Variants in DOCK3 observed in about 807,000 individuals in gnomAD.
DOCK3 encodes the protein dedicator of cytokinesis protein 3.
A neutral mutation model predicts 265.6 loss-of-function variants in DOCK3; 60 were observed. That is an observed-to-expected ratio of 0.23 (90% CI 0.18 to 0.28). The LOEUF is 0.28. Ranked by LOEUF, DOCK3 falls within the 10% of genes least tolerant of loss-of-function variation. The probability of loss-of-function intolerance (pLI) is 1.00; values close to 1 mark genes in which losing one functional copy is unlikely to be tolerated. For missense variants in DOCK3, 1,981 were observed against 2,594.3 expected, an observed-to-expected ratio of 0.76 and a Z score of 5.14; for synonymous variants, 881 against 938.0, an observed-to-expected ratio of 0.94 and a Z score of 1.11.
At chr3:50,816,511 G>T (rs1268039900) in intron 2 of DOCK3, among the ~76,000 whole-genome samples, 1 of 151,784 alleles carries the variant, frequency 6.6e-6, no homozygotes, top group African/African-American at 2.4e-5. Flanking sequence ...AGTGGAGACG[G>T]GGTTTTGCCA....
intron 10 of DOCK3, among the ~76,000 whole-genome samples, chr3:51,153,817 A>G (rs943548880): frequency 1.3e-4 from 20 of 152,196 alleles, no homozygotes; most frequent in East Asian, 1.9e-4. Flanking sequence ...CTGATTTACT[A>G]ATTTGTTTTT....
At position 51,193,606 on chromosome 3, in the gene DOCK3, C is replaced by T. The variant is rs28796000; in HGVS notation, c.1038-15168C>T. On this transcript the variant is annotated intron_variant, in intron 12 of 52. Transcript: ENST00000266037. ...TATAATCTTGCTATGCATTATTGGT[C>T]TATTCAGGGTTTTTCTTTCTTTCCA... is the stretch of plus-strand genomic sequence containing the variant. 2.8e-3 allele frequency among the ~76,000 whole-genome samples: 421 copies of T among 152,116 alleles called. 3 individuals are homozygous for T. Among genetic ancestry groups the T allele is most frequent in the African/African-American group, 9.7e-3 (404 of 41,502 alleles).
At chr3:51,363,563 T>G (rs897348710) in intron 49 of DOCK3, among the ~76,000 whole-genome samples, 11 of 152,376 alleles carry the variant, frequency 7.2e-5, no homozygotes, top group African/African-American at 2.6e-4. Context: ...TGTATACATG[T>G]GCCATGTTGG....
At chr3:51,379,824 ACT>A (rs1400711743) in intron 51 of DOCK3, among the ~76,000 whole-genome samples, 1 of 152,258 alleles carries the variant, frequency 6.6e-6, no homozygotes, top group African/African-American at 2.4e-5. Context: ...TGCCAGGCAC[ACT>A]TCTCACCAGA....
chr3:50,875,624 A>G (rs144429769), intron 3 of DOCK3, among the ~76,000 whole-genome samples: 110 of 152,250 alleles, frequency 7.2e-4, no homozygotes, highest in African/African-American at 2.4e-3. Flanking sequence ...CACATGTTCA[A>G]CCATCCTTGA....
At chr3:51,248,031 C>G (rs939707992) in intron 22 of DOCK3, among the ~76,000 whole-genome samples, 1 of 152,210 alleles carries the variant, frequency 6.6e-6, no homozygotes, top group Admixed American at 6.5e-5. Flanking sequence ...AAAAATCATT[C>G]GTTTAATCAT....
At chr3:50,864,880 C>T (rs1487098279) in intron 3 of DOCK3, among the ~76,000 whole-genome samples, 1 of 151,560 alleles carries the variant, frequency 6.6e-6, no homozygotes, top group South Asian at 2.1e-4. Flanking sequence ...TATTATGATG[C>T]GTCCAGGCTT....
At chr3:51,245,392 T>TTC (rs776909441) in intron 21 of DOCK3, among the ~76,000 whole-genome samples, 80 of 8,854 alleles carry the variant, frequency 9.0e-3, no homozygotes, top group African/African-American at 0.02. Context: ...TTTTCTTTCT[T>TTC]TTTTTTTTTT....
intron 1 of DOCK3, among the ~76,000 whole-genome samples, chr3:50,713,327 T>A (rs1447648539): frequency 6.6e-6 from 1 of 152,182 alleles, no homozygotes; most frequent in Non-Finnish European, 1.5e-5. Context: ...AGGTTAAGGA[T>A]TTGCTTTTAT....
At chr3:50,810,994 G>A (rs969948245) in intron 2 of DOCK3, among the ~76,000 whole-genome samples, 17 of 152,078 alleles carry the variant, frequency 1.1e-4, no homozygotes, top group Non-Finnish European at 2.1e-4. Context: ...CTGGATGAAA[G>A]GTTTAAAAAT....
intron 1 of DOCK3, among the ~76,000 whole-genome samples, chr3:50,762,041 G>C (rs1181787477): frequency 1.3e-5 from 2 of 152,086 alleles, no homozygotes; most frequent in African/African-American, 2.4e-5. Context: ...TCACTCATAG[G>C]TGGGAATTGA....
chr3:51,295,081 G>C (rs2109238671), intron 27 of DOCK3, among the ~76,000 whole-genome samples: 1 of 152,194 alleles, frequency 6.6e-6, no homozygotes. Flanking sequence ...ATGGTATAAA[G>C]GACAAAACCA....
chr3:50,865,881 G>C (rs1468837751), intron 3 of DOCK3, among the ~76,000 whole-genome samples: 1 of 152,100 alleles, frequency 6.6e-6, no homozygotes, highest in African/African-American at 2.4e-5. Context: ...TGTAGTTTTG[G>C]TTTGTATTTC....
intron 38 of DOCK3, among the ~76,000 whole-genome samples, chr3:51,344,674 C>T (rs2085448282): frequency 3.9e-5 from 6 of 152,176 alleles, no homozygotes; most frequent in Admixed American, 3.9e-4. Flanking sequence ...GGATTTCAGA[C>T]ACTGGTAGGG....
chr3:51,264,866 T>TAAATAA (rs1205973691), intron 23 of DOCK3, among the ~76,000 whole-genome samples: 6 of 57,754 alleles, frequency 1.0e-4, no homozygotes, highest in Non-Finnish European at 1.8e-4. Flanking sequence ...ATAACTTAGA[T>TAAATAA]CAGAACAGAG....
chr3:51,124,593 A>G (rs1313177095), intron 9 of DOCK3, among the ~76,000 whole-genome samples: 1 of 152,166 alleles, frequency 6.6e-6, no homozygotes, highest in African/African-American at 2.4e-5. Flanking sequence ...GAAAATTAAG[A>G]GAGTTCTTTG....
At chr3:51,251,093 C>A (rs2079195755) in intron 22 of DOCK3, among the ~76,000 whole-genome samples, 1 of 152,150 alleles carries the variant, frequency 6.6e-6, no homozygotes, top group Admixed American at 6.5e-5. Context: ...TTGTTCAGTT[C>A]TCACCTATGA....
chr3:51,325,326 G>T, intron 32 of DOCK3, among the ~76,000 whole-genome samples: 1 of 152,224 alleles, frequency 6.6e-6, no homozygotes, highest in South Asian at 2.1e-4. Context: ...CATCATCACT[G>T]GTCATTAGAG....
intron 23 of DOCK3, among the ~76,000 whole-genome samples, chr3:51,265,496 T>C (rs549243297): frequency 1.8e-4 from 27 of 152,284 alleles, no homozygotes; most frequent in African/African-American, 5.8e-4. Context: ...AAAAAGCTTA[T>C]CCACCACAAT....
Sources: gnomAD v4.1 joint callset for allele counts (sites outside exome capture counted in the v4.1 genomes callset) on GRCh38, gnomAD v4.1.1 for gene constraint, MANE v1.5 for transcripts, NCBI Gene and HGNC (gene_info 2026-07-23, HGNC 2026-07-21) for gene names.